Variants in TPO observed in about 807,000 individuals in gnomAD.
TPO encodes the protein thyroid microsomal antigen.
Under a neutral mutation model 96.9 loss-of-function variants are expected in TPO, and 78 were observed. The ratio of observed to expected loss-of-function variants is 0.81; its 90% confidence interval spans 0.67 to 0.97. The LOEUF (loss-of-function observed/expected upper bound fraction) is 0.97, where lower values mean the gene tolerates loss of function less well. Among genes scored for constraint, TPO ranks in the 50% least tolerant of loss-of-function variants. The probability of loss-of-function intolerance (pLI) is 0.00; values close to 1 mark genes in which losing one functional copy is unlikely to be tolerated. For synonymous variants in TPO, 547 were observed against 538.0 expected, an observed-to-expected ratio of 1.02 and a Z score of -0.23; for missense variants, 1,252 against 1,274.8, an observed-to-expected ratio of 0.98 and a Z score of 0.27.
chr2:1,388,097 G>C (rs1661930475), intron 1 of TPO, among the ~76,000 whole-genome samples: 1 of 152,208 alleles, frequency 6.6e-6, no homozygotes, highest in African/African-American at 2.4e-5. Context: ...GTACCCGGCT[G>C]TGTGAGGTGT....
chr2:1,500,554 G>A (rs973785676), intron 13 of TPO, among the ~76,000 whole-genome samples: 2 of 152,102 alleles, frequency 1.3e-5, no homozygotes, highest in Admixed American at 6.6e-5. Context: ...ACACATCTGC[G>A]GCTACAGAAA....
At chr2:1,417,136 G>C (rs765017692) in intron 2 of TPO, among the ~76,000 whole-genome samples, 12 of 152,246 alleles carry the variant, frequency 7.9e-5, no homozygotes, top group Admixed American at 2.6e-4. Flanking sequence ...CTTGAAGCTC[G>C]ATGATAAGTA....
chr2:1,475,568 T>C (rs562589212), intron 7 of TPO, among the ~76,000 whole-genome samples: 66 of 151,998 alleles, frequency 4.3e-4, no homozygotes, highest in South Asian at 2.7e-3. Flanking sequence ...GGACTACAGG[T>C]GCCCGCCACC....
At chr2:1,399,110 T>C (rs1394103122) in intron 1 of TPO, among the ~76,000 whole-genome samples, 1 of 152,228 alleles carries the variant, frequency 6.6e-6, no homozygotes, top group African/African-American at 2.4e-5. Context: ...CTGCAGTTGT[T>C]TCTGCAGGAC....
chr2:1,428,467 T>A (rs1664649985), intron 3 of TPO, among the ~76,000 whole-genome samples: 2 of 152,198 alleles, frequency 1.3e-5, no homozygotes, highest in Admixed American at 6.5e-5. Context: ...ATGGGCAGCA[T>A]GGCCTGGGGA....
At chr2:1,425,890 T>C (rs985197219) in intron 3 of TPO, among the ~76,000 whole-genome samples, 2 of 149,986 alleles carry the variant, frequency 1.3e-5, no homozygotes, top group Non-Finnish European at 3.0e-5. Flanking sequence ...AAGTCTGTGC[T>C]CCTTCCGTAA....
At chr2:1,523,241 TC>T (rs1333726606) in intron 15 of TPO, among the ~76,000 whole-genome samples, 29 of 16,804 alleles carry the variant, frequency 1.7e-3, no homozygotes, top group African/African-American at 7.2e-3. Flanking sequence ...CCTCCCCAAA[TC>T]CCCCCACTGT....
intron 13 of TPO, among the ~76,000 whole-genome samples, chr2:1,503,034 T>A (rs984577524): frequency 1.3e-5 from 2 of 152,186 alleles, no homozygotes; most frequent in African/African-American, 2.4e-5. Context: ...ATTCTCATCG[T>A]CCTGGGGTGG....
chr2:1,424,044 T>C lies in TPO; in HGVS notation c.179+915T>C, dbSNP rs1466731789. ...GACAGATCTCAGTCAATTTAGAACG[T>C]TTATTTTAACAAGGATAAGGATGCA... On this transcript the variant is annotated intron_variant, in intron 3 of 16. Coordinates refer to ENST00000329066, the MANE Select transcript of TPO (RefSeq NM_001206744.2). Among the ~76,000 whole-genome samples, 3 of 152,192 alleles carry C rather than the reference T, an allele frequency of 2.0e-5. No individual in the cohort carries two copies. In the East Asian group the frequency reaches 5.8e-4, roughly 29 times the overall value.
intron 8 of TPO, among the ~76,000 whole-genome samples, chr2:1,482,640 T>C (rs74469983): frequency 0.019 from 2,868 of 152,278 alleles, 86 homozygotes; most frequent in African/African-American, 0.065. Context: ...AGAATTGCCA[T>C]GAAAATTCCA....
intron 1 of TPO, among the ~76,000 whole-genome samples, chr2:1,391,652 G>A (rs1328262411): frequency 6.6e-6 from 1 of 152,156 alleles, no homozygotes; most frequent in Non-Finnish European, 1.5e-5. Context: ...CATGAGCATG[G>A]AATGTTCTTC....
chr2:1,380,114 G>A (rs9750839), intron 1 of TPO, among the ~76,000 whole-genome samples: 2,775 of 152,166 alleles, frequency 0.018, 107 homozygotes, highest in African/African-American at 0.064. Flanking sequence ...TAATTTATTG[G>A]CCAGGTGCGG....
At chr2:1,527,020 TGCAACCTCCTCAAATCCCCCCACTGTGA>T (rs1676707398) in intron 15 of TPO, among the ~76,000 whole-genome samples, 2 of 82,468 alleles carry the variant, frequency 2.4e-5, no homozygotes, top group African/African-American at 1.1e-4. Context: ...CCCCACTGTG[TGCAACCTCCTCAAATCCCCCCACTGTGA>T]GCAACCTCCT....
intron 14 of TPO, among the ~76,000 whole-genome samples, chr2:1,506,758 GA>G (rs1673510658): frequency 6.6e-6 from 1 of 152,150 alleles, no homozygotes; most frequent in South Asian, 2.1e-4. Context: ...AAATTTGTTT[GA>G]GTTCATTGTA....
chr2:1,419,073 C>T (rs917767229), intron 2 of TPO, among the ~76,000 whole-genome samples: 2 of 152,164 alleles, frequency 1.3e-5, no homozygotes, highest in African/African-American at 4.8e-5. Context: ...ATGTTCTTGC[C>T]TAATGTGTCC....
At position 1,493,848 on chromosome 2, in the gene TPO, C is replaced by T. The variant is rs1328082276; in HGVS notation, c.1815C>T (p.Thr605=). 3.1e-6 allele frequency: 5 copies of T among 1,614,128 alleles called. No homozygotes were observed. The highest frequency in any genetic ancestry group is 4.2e-6 in the Non-Finnish European group (5 of 1,180,012). Residue 605 remains threonine, a synonymous_variant, in exon 11 of 17, where the codon ACC becomes ACT. Transcript: ENST00000329066. ...REFCGLPRLE[T]PADLSTAIAS... is the part of the protein sequence containing the mutation. ...TCTGCGGCCTGCCTCGCCTGGAGACCCCCGCTGACCTGAGCACAGCCATCG... is the reference window on the plus strand; with the variant it reads ...TCTGCGGCCTGCCTCGCCTGGAGACTCCCGCTGACCTGAGCACAGCCATCG...
intron 7 of TPO, among the ~76,000 whole-genome samples, chr2:1,464,995 T>G (rs2148631129): frequency 6.6e-6 from 1 of 152,336 alleles, no homozygotes; most frequent in Middle Eastern, 3.4e-3. Flanking sequence ...CAAGAAGAAT[T>G]TTTCCAATGT....
At chr2:1,495,120 G>A (rs148888185) in intron 11 of TPO, among the ~76,000 whole-genome samples, 1 of 152,326 alleles carries the variant, frequency 6.6e-6, no homozygotes, top group Non-Finnish European at 1.5e-5. Context: ...TGAAATCAGT[G>A]CAGAGGCAGC....
At chr2:1,485,340 AT>A (rs1363103874) in intron 9 of TPO, among the ~76,000 whole-genome samples, 2 of 152,152 alleles carry the variant, frequency 1.3e-5, no homozygotes, top group African/African-American at 4.8e-5. Flanking sequence ...AGTCTTTGCT[AT>A]TTTAAATAGT....
Sources: allele counts gnomAD v4.1 joint callset (sites outside exome capture counted in the v4.1 genomes callset), GRCh38; gene constraint gnomAD v4.1.1; transcripts MANE v1.5; gene names NCBI Gene and HGNC (gene_info 2026-07-23, HGNC 2026-07-21).